Variants in AKAP8L observed in about 807,000 individuals in gnomAD.
AKAP8L encodes A-kinase anchor protein 8-like.
In AKAP8L, 34 loss-of-function variants were observed where a neutral mutation model predicts 77.5. That is an observed-to-expected ratio of 0.44 (90% CI 0.33 to 0.58). AKAP8L has a LOEUF of 0.58. Among genes scored for constraint, AKAP8L ranks in the 20% least tolerant of loss-of-function variants. The pLI is 0.02. For missense variants in AKAP8L, 806 were observed against 887.6 expected, an observed-to-expected ratio of 0.91 and a Z score of 1.17; for synonymous variants, 342 against 340.7, an observed-to-expected ratio of 1.00 and a Z score of -0.04.
chr19:15,415,526 T>C (rs756743088), intron 1 of AKAP8L, among the ~76,000 whole-genome samples: 14 of 152,282 alleles, frequency 9.2e-5, no homozygotes, highest in Middle Eastern at 3.4e-3. Flanking sequence ...GATCTTGCTC[T>C]GTTGCCCAGG....
rs757796733 is a variant in AKAP8L, at chr19:15,380,173, G to T, written c.1890C>A (p.Ile630=). The change falls in exon 14 of 14, where the codon ATC becomes ATA. Residue 630 remains isoleucine (I), a synonymous_variant. Transcript: ENST00000397410. ...GGALQRQIRG[I]PGLDVEDDEE... is the part of the protein sequence containing the mutation. ...CGTCGTCCTCCACGTCGAGGCCCGGGATGCCGCGGATCTGGCGTTGCAGCG... is the reference window on the plus strand; with the variant it reads ...CGTCGTCCTCCACGTCGAGGCCCGGTATGCCGCGGATCTGGCGTTGCAGCG... The T allele has an allele frequency of 8.0e-5, 120 of 1,505,538 alleles. 1 individual carries two copies. In the South Asian group the frequency reaches 1.4e-3, roughly 18 times the overall value. 93.3% of individuals were successfully genotyped at this position (1,505,538 alleles called of 1,614,324 possible).
intron 1 of AKAP8L, among the ~76,000 whole-genome samples, chr19:15,417,364 A>G (rs1968225261): frequency 6.6e-6 from 1 of 152,196 alleles, no homozygotes; most frequent in African/African-American, 2.4e-5. Flanking sequence ...AGCTACAGAA[A>G]GGCTCTGGCA....
At chr19:15,404,318 G>C (rs1568270680) in intron 2 of AKAP8L, 2 of 438,150 alleles carry the variant, frequency 4.6e-6, no homozygotes, top group Non-Finnish European at 8.2e-6. Context: ...CTCCCTTTAA[G>C]AGCCAGAATT....
Position 15,397,660 on chromosome 19 carries a change from T to C in AKAP8L, c.1300-35A>G. ...ATATAAAGGTTCATGTGGGCCGCCT[T>C]ATGTTCTCAGGGGTCCAAGAAACTA... On this transcript the variant is annotated intron_variant, in intron 10 of 13. Transcript: ENST00000397410. This position sits in a 1 kb window ranked among gnomAD's most constrained non-coding sequence, Gnocchi z 4.7. 1.9e-6 allele frequency: 3 copies of C among 1,614,002 alleles called. No homozygotes were observed. Among genetic ancestry groups the C allele is most frequent in the South Asian group, 2.2e-5 (2 of 91,082 alleles).
At chr19:15,411,673 G>C (rs1280805976) in intron 1 of AKAP8L, among the ~76,000 whole-genome samples, 8 of 152,132 alleles carry the variant, frequency 5.3e-5, no homozygotes. Flanking sequence ...GTAATTATTT[G>C]GGGTGGCATG....
At chr19:15,413,578 C>A (rs375595608) in intron 1 of AKAP8L, among the ~76,000 whole-genome samples, 8 of 152,248 alleles carry the variant, frequency 5.3e-5, no homozygotes, top group South Asian at 4.1e-4. Flanking sequence ...TCCTGAGATG[C>A]CTAAAATCCA....
At chr19:15,414,017 A>G (rs545386809) in intron 1 of AKAP8L, among the ~76,000 whole-genome samples, 1 of 151,676 alleles carries the variant, frequency 6.6e-6, no homozygotes, top group African/African-American at 2.4e-5. Context: ...ATCGCAGAGC[A>G]GGCCCTTCTG....
At chr19:15,400,177 C>T in intron 8 of AKAP8L, 118 bp downstream of exon 8, 2 of 1,057,838 alleles carry the variant, frequency 1.9e-6, no homozygotes, top group Non-Finnish European at 2.9e-6. Context: ...CACTCGGGCC[C>T]ACAAGGGAGG....
At chr19:15,410,380 G>T in intron 2 of AKAP8L, 140 bp downstream of exon 2, 1 of 675,600 alleles carries the variant, frequency 1.5e-6, no homozygotes, top group Non-Finnish European at 2.6e-6. Context: ...GGAAGCACTA[G>T]CTATTCAAAT....
intron 12 of AKAP8L, among the ~76,000 whole-genome samples, chr19:15,387,530 A>G (rs1330593834): frequency 6.6e-6 from 1 of 152,128 alleles, no homozygotes; most frequent in African/African-American, 2.4e-5. Flanking sequence ...GCCATAAAAA[A>G]GAAGGACCGG....
chr19:15,416,912 T>A (rs1054608826), intron 1 of AKAP8L, among the ~76,000 whole-genome samples: 3 of 152,242 alleles, frequency 2.0e-5, no homozygotes, highest in Admixed American at 6.5e-5. Flanking sequence ...GGACTTACCC[T>A]TAAAGCTATT....
At position 15,403,457 on chromosome 19, in the gene AKAP8L, A is replaced by T; in HGVS notation, c.362+18T>A. The T allele has an allele frequency of 1.9e-6, 3 of 1,612,874 alleles. No individual in the cohort carries two copies. The highest frequency in any genetic ancestry group is 2.5e-6 in the Non-Finnish European group (3 of 1,179,018). On this transcript the variant is annotated intron_variant, in intron 4 of 13. Transcript: ENST00000397410. This position sits in a 1 kb window ranked among gnomAD's most constrained non-coding sequence, Gnocchi z 4.3. ...CCGCCCCTGCAGAGTCTCAACCCCTAGGCAGGTGTCCACTCACCTTTCTCC... is the reference window on the plus strand; with the variant it reads ...CCGCCCCTGCAGAGTCTCAACCCCTTGGCAGGTGTCCACTCACCTTTCTCC...
At position 15,401,060 on chromosome 19, in the gene AKAP8L, G is replaced by T. The variant is rs920662559; in HGVS notation, c.817-17C>A. ...CTTCTTGGTCTGGGTCATAAGGGGGGGAAGCCGTGTCAGGGTGCATGGCAC... is the reference window on the plus strand; with the variant it reads ...CTTCTTGGTCTGGGTCATAAGGGGGTGAAGCCGTGTCAGGGTGCATGGCAC... On this transcript the variant is annotated splice_polypyrimidine_tract_variant and intron_variant, in intron 5 of 13. Coordinates refer to ENST00000397410, the MANE Select transcript of AKAP8L (RefSeq NM_014371.4). The surrounding 1 kb of genome is among the most constrained non-coding windows in gnomAD (Gnocchi z 6.2). The T allele has an allele frequency of 5.0e-6, 8 of 1,610,930 alleles. No homozygotes were observed. The highest frequency in any genetic ancestry group is 5.1e-6 in the Non-Finnish European group (6 of 1,179,854).
In AKAP8L at chr19:15,389,989, A is replaced by AT. The variant is rs199860832; in HGVS notation, c.1536+7160dup. Among the ~76,000 whole-genome samples, 130 of 151,210 alleles carry AT rather than the reference A, an allele frequency of 8.6e-4. 1 individual carries two copies. In the East Asian group the frequency reaches 0.02, roughly 23 times the overall value. The stretch of plus-strand genomic sequence containing the variant: ...TAGTGGCAAGACCCTGTCTCTATTT[A>AT]TTTTTTTTTAATCAAAAAAGGGAAC... On this transcript the variant is annotated intron_variant, in intron 12 of 13. Coordinates refer to ENST00000397410, the MANE Select transcript of AKAP8L (RefSeq NM_014371.4).
chr19:15,382,482 C>T (rs1238046806), intron 12 of AKAP8L, among the ~76,000 whole-genome samples: 8 of 152,106 alleles, frequency 5.3e-5, no homozygotes, highest in Non-Finnish European at 8.8e-5. Context: ...TGATTACAGG[C>T]GTGAGCCACC....
intron 1 of AKAP8L, among the ~76,000 whole-genome samples, chr19:15,418,397 C>T (rs973609560): frequency 6.6e-6 from 1 of 152,188 alleles, no homozygotes; most frequent in African/African-American, 2.4e-5. Context: ...ATTTACTTAT[C>T]CCCCTAGGGC....
At chr19:15,382,368 C>T (rs1229603857) in intron 12 of AKAP8L, among the ~76,000 whole-genome samples, 2 of 151,954 alleles carry the variant, frequency 1.3e-5, no homozygotes, top group Admixed American at 6.6e-5. Context: ...CACCCAGCTA[C>T]TTTTTTGTAT....
intron 13 of AKAP8L, 21 bp from the exon 14 acceptor site, chr19:15,380,451 A>G (rs1967382045): frequency 6.2e-7 from 1 of 1,610,874 alleles, no homozygotes; most frequent in Non-Finnish European, 8.5e-7. Context: ...GGGCGCGGAC[A>G]CTGAAGGGAG....
Position 15,418,913 on chromosome 19 carries a change from G to T in AKAP8L, c.11C>A (p.Thr4Lys). The T allele has an allele frequency of 6.2e-7, 1 of 1,604,092 alleles. No individual in the cohort carries two copies. Among genetic ancestry groups the T allele is most frequent in the Non-Finnish European group, 8.5e-7 (1 of 1,179,368 alleles). The change falls in exon 1 of 14, where the codon ACA becomes AAA. Residue 4 changes from threonine to lysine, a missense_variant and splice_region_variant. Thr to Lys is a moderately conservative substitution (Grantham distance 78). Around this residue, in one of 2 missense-constraint regions of AKAP8L, gnomAD observed 580 missense variants for 694.1 expected, o/e 0.84. Transcript: ENST00000397410. MSY[T>K]GFVQGSETTL... ...CGACCCCACCCTGCCAGGCCCACCT[G>T]TGTAGCTCATGGTGGCGGGCAACAC... is the stretch of plus-strand genomic sequence containing the variant.
Sources: allele counts gnomAD v4.1 joint callset (sites outside exome capture counted in the v4.1 genomes callset), GRCh38; gene constraint gnomAD v4.1.1; regional missense constraint gnomAD v4.1.1; non-coding constraint Gnocchi (gnomAD v3.1); transcripts MANE v1.5; gene names NCBI Gene and HGNC (gene_info 2026-07-23, HGNC 2026-07-21).